Variants in CLSPN observed in about 807,000 individuals in gnomAD.
CLSPN encodes claspin.
A neutral mutation model predicts 156.3 loss-of-function variants in CLSPN; 85 were observed. The observed-to-expected ratio is 0.54, with a 90% CI of 0.46 to 0.65. The LOEUF (loss-of-function observed/expected upper bound fraction) is 0.65. CLSPN is among the 30% of genes least tolerant of loss of function. The pLI, the probability that CLSPN is intolerant of heterozygous loss-of-function variation, is 0.00. For missense variants in CLSPN, 1,407 were observed against 1,554.9 expected (o/e 0.90, Z 1.60); for synonymous variants, 534 against 542.4 (o/e 0.98, Z 0.22).
In CLSPN at chr1:35,732,814, C is replaced by G. The variant is rs1641349751; in HGVS notation, c.*3682G>C. The stretch of plus-strand genomic sequence containing the variant: ...AAAGGGCATATGGGTCAGATTGAAA[C>G]TGTCCATGTCAATCCTGTTACCAAG... On this transcript the variant is annotated 3_prime_UTR_variant, in exon 25 of 25. Transcript: ENST00000318121. 19 of 985,406 alleles carry G rather than the reference C, an allele frequency of 1.9e-5. No homozygotes were observed. Among genetic ancestry groups the G allele is most frequent in the Non-Finnish European group, 2.3e-5 (19 of 829,930 alleles). The allele number at this position is 985,406 out of a possible 1,614,324, so 61.0% of individuals were successfully genotyped here.
intron 1 of CLSPN, among the ~76,000 whole-genome samples, chr1:35,767,049 G>A (rs1274673789): frequency 6.6e-6 from 1 of 151,900 alleles, no homozygotes; most frequent in Non-Finnish European, 1.5e-5. Context: ...AACCGGCCCT[G>A]TATATTTCTA....
chr1:35,744,342 T>A lies in CLSPN; in HGVS notation c.2967-812A>T, dbSNP rs554380412. Among the ~76,000 whole-genome samples the A allele has an allele frequency of 7.2e-5, 11 of 152,350 alleles. No individual in the cohort carries two copies. The South Asian group carries it at 1.9e-3, about 26-fold the overall frequency. On this transcript the variant is annotated intron_variant, in intron 16 of 24. Transcript: ENST00000318121. ...TTTTTTTTGAGACAGGGTCTTGCTC[T>A]GATGCCCAGAGTGCAGTGGCACAAT...
intron 8 of CLSPN, among the ~76,000 whole-genome samples, chr1:35,756,637 A>T (rs1175625986): frequency 6.6e-6 from 1 of 152,170 alleles, no homozygotes. Context: ...TCTCATTCAC[A>T]TTGCTCTTGT....
Position 35,746,881 on chromosome 1 carries a change from A to G in CLSPN, c.2739T>C (p.Asp913=). The change falls in exon 15 of 25, where the codon GAT becomes GAC. Residue 913 remains aspartate (D), a synonymous_variant. Transcript: ENST00000318121. This position sits in a 1 kb window ranked among gnomAD's most constrained non-coding sequence, Gnocchi z 4.2. ...AMDANMDELL[D]LCTGKFTSQA... ...GAGATGTGAACTTTCCAGTACACAA[A>G]TCCAACAGCTCATCCATGTTGGCAT... 1 of 1,613,862 alleles carries G rather than the reference A, an allele frequency of 6.2e-7. No individual in the cohort carries two copies. The highest frequency in any genetic ancestry group is 8.5e-7 in the Non-Finnish European group (1 of 1,179,750).
At chr1:35,760,941 G>A (rs747609734) in intron 7 of CLSPN, 25 bp from the exon 8 acceptor site, 3 of 1,556,628 alleles carry the variant, frequency 1.9e-6, no homozygotes, top group Admixed American at 3.5e-5. Context: ...TTGAGCTGGA[G>A]TTGAAAATTA....
rs751115510 is a variant in CLSPN, at chr1:35,746,873, G to A, written c.2747C>T (p.Thr916Ile). 12 of 1,613,720 alleles carry A rather than the reference G, an allele frequency of 7.4e-6. No homozygotes were observed. Among genetic ancestry groups the A allele is most frequent in the Non-Finnish European group, 9.3e-6 (11 of 1,179,812 alleles). The change falls in exon 15 of 25, where the codon ACT (threonine) becomes ATT (isoleucine). Residue 916 changes from threonine (T) to isoleucine (I), a missense_variant. By Grantham distance (89) the Thr-to-Ile change is moderately conservative. This residue lies in a region of CLSPN where 1,096 missense variants were observed against 1,193.0 expected (regional missense o/e 0.92). Transcript: ENST00000318121. This position sits in a 1 kb window ranked among gnomAD's most constrained non-coding sequence, Gnocchi z 4.2. Reference sequence around the variant, plus strand: ...TTCAGCCTGAGATGTGAACTTTCCAGTACACAAATCCAACAGCTCATCCAT... The same window carrying A: ...TTCAGCCTGAGATGTGAACTTTCCAATACACAAATCCAACAGCTCATCCAT... ...ANMDELLDLCTGKFTSQAEKH... is the reference protein window; with the variant it reads ...ANMDELLDLCIGKFTSQAEKH...
chr1:35,730,949 C>T (rs1478700086), downstream of CLSPN, among the ~76,000 whole-genome samples: 1 of 152,078 alleles, frequency 6.6e-6, no homozygotes, highest in Non-Finnish European at 1.5e-5. Flanking sequence ...TGCCTGTAAT[C>T]CCAGCACTGT....
intron 8 of CLSPN, among the ~76,000 whole-genome samples, chr1:35,754,698 A>G (rs1399356988): frequency 6.6e-6 from 1 of 152,206 alleles, no homozygotes; most frequent in African/African-American, 2.4e-5. Context: ...AAGAAGGGAA[A>G]ATAAAATGAC....
intron 18 of CLSPN, 31 bp from the exon 19 acceptor site, chr1:35,739,560 C>T (rs1445727436): frequency 6.4e-7 from 1 of 1,571,536 alleles, no homozygotes; most frequent in Non-Finnish European, 8.7e-7. Flanking sequence ...TTAGAAAATG[C>T]AACAATGAAT....
intron 24 of CLSPN, among the ~76,000 whole-genome samples, chr1:35,723,979 A>G (rs749114409): frequency 1.3e-5 from 2 of 152,234 alleles, no homozygotes; most frequent in Non-Finnish European, 2.9e-5. Context: ...TGACAGAGCC[A>G]GACCCTGTCT....
chr1:35,758,799 T>C (rs1050240679), intron 8 of CLSPN, among the ~76,000 whole-genome samples: 32 of 78,464 alleles, frequency 4.1e-4, no homozygotes, highest in Admixed American at 3.1e-3. Flanking sequence ...TTTTTTCTTT[T>C]TCTTTTTTTT....
intron 9 of CLSPN, among the ~76,000 whole-genome samples, chr1:35,752,518 C>T (rs745631455): frequency 7.3e-6 from 1 of 137,810 alleles, no homozygotes; most frequent in Non-Finnish European, 1.5e-5. Context: ...GTAGAGGTTG[C>T]AGTGAGCTAA....
At chr1:35,762,633 A>AT (rs1642522113) in intron 4 of CLSPN, 152 bp from the exon 5 acceptor site, 1 of 639,150 alleles carries the variant, frequency 1.6e-6, no homozygotes, top group Non-Finnish European at 2.8e-6. Flanking sequence ...ACAGCATCCT[A>AT]TTATGCTTAG....
In CLSPN at chr1:35,760,580, C is replaced by G; in HGVS notation, c.1341G>C (p.Gly447=). ...GGGCATGAGGTTCAAATGCTACAAGCCCTCCAACCTGACATTCCTCACTGT... is the reference window on the plus strand; with the variant it reads ...GGGCATGAGGTTCAAATGCTACAAGGCCTCCAACCTGACATTCCTCACTGT... The part of the protein sequence containing the change: ...NNHSEECQVG[G]LVAFEPHALE... The change falls in exon 8 of 25, where the codon GGG becomes GGC. Residue 447 remains glycine, a synonymous_variant. Coordinates refer to ENST00000318121, the MANE Select transcript of CLSPN (RefSeq NM_022111.4). 1 of 1,614,216 alleles carries G rather than the reference C, an allele frequency of 6.2e-7. No individual in the cohort carries two copies. The highest frequency in any genetic ancestry group is 8.5e-7 in the Non-Finnish European group (1 of 1,180,042).
rs1271505258 is a variant in CLSPN at position 35,743,154 on chromosome 1, A to G, written c.3130T>C (p.Leu1044=). ...EEELLKRSEK[L]KRQMRLRKYL... is the part of the protein sequence containing the mutation. ...AATAACACGTACATTTGCCTTTTCAACTTCTCAGATCGCTTCAGGAGTTCT... is the reference window on the plus strand; with the variant it reads ...AATAACACGTACATTTGCCTTTTCAGCTTCTCAGATCGCTTCAGGAGTTCT... Residue 1044 remains leucine, a synonymous_variant, in exon 18 of 25, where the codon TTG becomes CTG. Coordinates refer to ENST00000318121, the MANE Select transcript of CLSPN (RefSeq NM_022111.4). 1.2e-6 allele frequency: 2 copies of G among 1,613,758 alleles called. No individual in the cohort carries two copies. Among genetic ancestry groups the G allele is most frequent in the South Asian group, 1.1e-5 (1 of 91,072 alleles).
rs762597299 is a variant in CLSPN, at chr1:35,746,996, A to G, written c.2628-4T>C. The G allele has an allele frequency of 3.7e-6, 6 of 1,608,488 alleles. No individual in the cohort carries two copies. Among genetic ancestry groups the G allele is most frequent in the Non-Finnish European group, 4.3e-6 (5 of 1,174,980 alleles). Reference sequence around the variant, plus strand: ...GTGGTTTCTAACATTTAAGAACCTAAGAACCAATGAGCACAACGAATAGTG... The same window carrying G: ...GTGGTTTCTAACATTTAAGAACCTAGGAACCAATGAGCACAACGAATAGTG... On this transcript the variant is annotated splice_polypyrimidine_tract_variant and splice_region_variant and intron_variant, in intron 14 of 24. Transcript: ENST00000318121. This position sits in a 1 kb window ranked among gnomAD's most constrained non-coding sequence, Gnocchi z 4.2.
chr1:35,724,665 T>C (rs1329385871), intron 24 of CLSPN, among the ~76,000 whole-genome samples: 1 of 152,214 alleles, frequency 6.6e-6, no homozygotes. Context: ...AATAAAATAA[T>C]ATGCCTTAAA....
Position 35,736,350 on chromosome 1 carries a change from T to C in CLSPN, c.*146A>G. ...AAAAGAGATGTCCAGAGCTGTGCAG[T>C]AGAAATCACTGGAATTTCTGTCTGC... On this transcript the variant is annotated 3_prime_UTR_variant, in exon 25 of 25. Coordinates refer to ENST00000318121, the MANE Select transcript of CLSPN (RefSeq NM_022111.4). 9.5e-6 allele frequency: 13 copies of C among 1,369,922 alleles called. No homozygotes were observed. The highest frequency in any genetic ancestry group is 1.2e-5 in the Non-Finnish European group (13 of 1,062,684). The allele number at this position is 1,369,922 out of a possible 1,614,324, so 84.9% of individuals were successfully genotyped here.
intron 24 of CLSPN, among the ~76,000 whole-genome samples, chr1:35,725,422 G>A (rs550503337): frequency 2.0e-5 from 3 of 152,206 alleles, no homozygotes; most frequent in South Asian, 4.1e-4. Flanking sequence ...TAAGCTAGAC[G>A]GAGAAGCTGA....
Sources: gnomAD v4.1 joint callset for allele counts (sites outside exome capture counted in the v4.1 genomes callset) on GRCh38, gnomAD v4.1.1 for gene constraint, gnomAD v4.1.1 regional missense constraint, Gnocchi (gnomAD v3.1) non-coding constraint, MANE v1.5 for transcripts, NCBI Gene and HGNC (gene_info 2026-07-23, HGNC 2026-07-21) for gene names.